The following GRIA2 variants were observed in gnomAD, a reference collection of about 807,000 sequenced individuals.
The protein encoded by GRIA2 is glutamate ionotropic receptor AMPA type subunit 2, also known as glutamate receptor 2.
In GRIA2, 14 loss-of-function variants were observed where a neutral mutation model predicts 97.3. The observed-to-expected ratio is 0.14, with a 90% CI of 0.10 to 0.23. The LOEUF (loss-of-function observed/expected upper bound fraction) is 0.23. Among genes scored for constraint, GRIA2 ranks in the 10% least tolerant of loss-of-function variants. GRIA2 has a pLI of 1.00. For missense variants in GRIA2, 558 were observed against 1,069.8 expected, an observed-to-expected ratio of 0.52 and a Z score of 6.67; for synonymous variants, 412 against 387.8, an observed-to-expected ratio of 1.06 and a Z score of -0.73.
intron 2 of GRIA2, among the ~76,000 whole-genome samples, chr4:157,250,243 C>T (rs1283389022): frequency 1.3e-5 from 2 of 151,964 alleles, no homozygotes; most frequent in African/African-American, 4.8e-5. Context: ...AAACACAAAG[C>T]CCTATATATT....
intron 2 of GRIA2, among the ~76,000 whole-genome samples, chr4:157,250,519 T>G (rs2126740207): frequency 6.6e-6 from 1 of 152,276 alleles, no homozygotes; most frequent in Non-Finnish European, 1.5e-5. Flanking sequence ...TATCCAGAGT[T>G]TCTTTTCATT....
chr4:157,308,313 T>C (rs1242224696), intron 3 of GRIA2, among the ~76,000 whole-genome samples: 6 of 152,184 alleles, frequency 3.9e-5, no homozygotes, highest in Non-Finnish European at 7.3e-5. Context: ...CTACAACCAG[T>C]CAGTAACAAT....
rs754622649 is a variant in GRIA2, at chr4:157,321,632, T to C, written c.882+33T>C. The C allele has an allele frequency of 1.2e-5, 18 of 1,510,478 alleles. No homozygotes were observed. In the East Asian group the frequency reaches 3.2e-4, roughly 27 times the overall value. 93.6% of individuals were successfully genotyped at this position (1,510,478 alleles called of 1,614,324 possible). ...TTGGTTTCTGTCTTTTCTTTTTCTT[T>C]CATATGTGAGGAGAGAGAAGAGTCT... On this transcript the variant is annotated intron_variant, in intron 6 of 15. Coordinates refer to ENST00000264426, the MANE Select transcript of GRIA2 (RefSeq NM_001083619.3).
At chr4:157,276,870 T>C (rs1038774186) in intron 2 of GRIA2, among the ~76,000 whole-genome samples, 4 of 151,812 alleles carry the variant, frequency 2.6e-5, no homozygotes, top group Admixed American at 2.6e-4. Context: ...AATAAAGAAA[T>C]AGACAATTGA....
intron 2 of GRIA2, among the ~76,000 whole-genome samples, chr4:157,275,327 A>G (rs1560741619): frequency 1.3e-5 from 2 of 152,152 alleles, no homozygotes; most frequent in East Asian, 3.9e-4. Flanking sequence ...CTGCCTGTTC[A>G]CCGTGATGGT....
chr4:157,343,017 A>G (rs1560775195), intron 12 of GRIA2, among the ~76,000 whole-genome samples: 1 of 152,084 alleles, frequency 6.6e-6, no homozygotes, highest in Non-Finnish European at 1.5e-5. Flanking sequence ...TTATATGGCC[A>G]GTGTATTCAC....
chr4:157,240,925 G>A (rs1730480913), intron 2 of GRIA2, among the ~76,000 whole-genome samples: 1 of 148,304 alleles, frequency 6.7e-6, no homozygotes, highest in African/African-American at 2.5e-5. Context: ...TGATCTCATT[G>A]TTCAGTTCCC....
intron 1 of GRIA2, 113 bp downstream of exon 1, chr4:157,221,243 T>C: frequency 1.4e-6 from 1 of 714,070 alleles, no homozygotes. Context: ...CTTGACTGCA[T>C]TCCAGATTTA....
intron 2 of GRIA2, among the ~76,000 whole-genome samples, chr4:157,222,545 G>T (rs1298519690): frequency 6.6e-6 from 1 of 152,196 alleles, no homozygotes; most frequent in Non-Finnish European, 1.5e-5. Context: ...TTCCGCTTAA[G>T]TTGGAGGGGG....
intron 2 of GRIA2, among the ~76,000 whole-genome samples, chr4:157,300,513 TAC>T (rs1258220333): frequency 6.6e-6 from 1 of 152,030 alleles, no homozygotes; most frequent in Non-Finnish European, 1.5e-5. Flanking sequence ...TGTCCTAAGG[TAC>T]AGAGAGGGAA....
In GRIA2 at chr4:157,363,685, G is replaced by C. The variant is rs944603321; in HGVS notation, c.*254G>C. ...GGTGAGAGGCATCCAGTATCTTGAA[G>C]ACTTTTCTTTCAGCCAAGAATTCTT... On this transcript the variant is annotated 3_prime_UTR_variant, in exon 16 of 16. Coordinates refer to ENST00000264426, the MANE Select transcript of GRIA2 (RefSeq NM_001083619.3). The C allele has an allele frequency of 1.5e-6, 1 of 688,712 alleles. No homozygotes were observed. Among genetic ancestry groups the C allele is most frequent in the Admixed American group, 4.4e-5 (1 of 22,976 alleles). 42.7% of individuals were successfully genotyped at this position (688,712 alleles called of 1,614,324 possible).
rs115322324 is a variant in GRIA2 at position 157,234,258 on chromosome 4, T to C, written c.229+12451T>C. On this transcript the variant is annotated intron_variant, in intron 2 of 15. Coordinates refer to ENST00000264426, the MANE Select transcript of GRIA2 (RefSeq NM_001083619.3). ...TTCCCCTGAGTATATATTGGTCAGATATACTTAGCTCCGTGCTTATAGGTG... is the reference window on the plus strand; with the variant it reads ...TTCCCCTGAGTATATATTGGTCAGACATACTTAGCTCCGTGCTTATAGGTG... Among the ~76,000 whole-genome samples, 887 of 152,206 alleles carry C rather than the reference T, an allele frequency of 5.8e-3. 8 individuals carry two copies. Among genetic ancestry groups the C allele is most frequent in the African/African-American group, 0.02 (821 of 41,546 alleles).
chr4:157,257,935 C>A (rs1407453668), intron 2 of GRIA2, among the ~76,000 whole-genome samples: 1 of 152,048 alleles, frequency 6.6e-6, no homozygotes, highest in African/African-American at 2.4e-5. Context: ...TAATTTCTTA[C>A]ACCTGTCTTT....
chr4:157,277,721 A>G (rs1285650754), intron 2 of GRIA2, among the ~76,000 whole-genome samples: 2 of 150,996 alleles, frequency 1.3e-5, no homozygotes, highest in Non-Finnish European at 3.0e-5. Flanking sequence ...TTGCTTTTCT[A>G]TACAACAACA....
At chr4:157,339,665 T>C (rs778147603) in intron 11 of GRIA2, among the ~76,000 whole-genome samples, 1 of 151,932 alleles carries the variant, frequency 6.6e-6, no homozygotes, top group South Asian at 2.1e-4. Context: ...AAACGTGTCA[T>C]AAATTAATAC....
At chr4:157,230,725 A>G (rs1401595691) in intron 2 of GRIA2, among the ~76,000 whole-genome samples, 3 of 152,118 alleles carry the variant, frequency 2.0e-5, no homozygotes, top group Non-Finnish European at 2.9e-5. Context: ...TTGAGCTACT[A>G]TAGAACAGTG....
chr4:157,225,999 A>C (rs1029072831), intron 2 of GRIA2, among the ~76,000 whole-genome samples: 2 of 152,048 alleles, frequency 1.3e-5, no homozygotes, highest in African/African-American at 4.8e-5. Flanking sequence ...TAAAAGGGCT[A>C]TAAACATGAG....
At chr4:157,343,580 A>C (rs780322338) in intron 12 of GRIA2, among the ~76,000 whole-genome samples, 2 of 152,034 alleles carry the variant, frequency 1.3e-5, no homozygotes, top group Non-Finnish European at 2.9e-5. Flanking sequence ...AACTATCTCC[A>C]AAAGGAACTG....
intron 5 of GRIA2, among the ~76,000 whole-genome samples, chr4:157,320,328 C>A (rs1232719712): frequency 6.6e-6 from 1 of 151,786 alleles, no homozygotes; most frequent in Non-Finnish European, 1.5e-5. Context: ...GTGGGATACA[C>A]AAAAACTCAA....
Sources: gnomAD v4.1 joint callset for allele counts (sites outside exome capture counted in the v4.1 genomes callset) on GRCh38, gnomAD v4.1.1 for gene constraint, MANE v1.5 for transcripts, NCBI Gene and HGNC (gene_info 2026-07-23, HGNC 2026-07-21) for gene names.